Variants in ZBTB43 observed in about 807,000 individuals in gnomAD.
The protein encoded by ZBTB43 is zinc finger and BTB domain-containing protein 43.
Under a neutral mutation model 31.1 loss-of-function variants are expected in ZBTB43, and 6 were observed. The observed-to-expected ratio is 0.19, with a 90% CI of 0.11 to 0.38. ZBTB43 has a LOEUF of 0.38. Ranked by LOEUF, ZBTB43 falls within the 10% of genes least tolerant of loss-of-function variation. The pLI is 1.00. For missense variants in ZBTB43, 379 were observed against 602.1 expected, an observed-to-expected ratio of 0.63 and a Z score of 3.88; for synonymous variants, 212 against 221.7, an observed-to-expected ratio of 0.96 and a Z score of 0.39.
At chr9:126,805,566 T>C (rs1343957075) in intron 1 of ZBTB43, among the ~76,000 whole-genome samples, 1 of 152,216 alleles carries the variant, frequency 6.6e-6, no homozygotes, top group Admixed American at 6.5e-5. Context: ...TGATCTTCTG[T>C]TTAAGTAAAA....
Position 126,833,565 on chromosome 9 carries a change from A to G in ZBTB43, c.1056A>G (p.Glu352=), listed in dbSNP as rs1297686999. The change falls in exon 3 of 3, where the codon GAA becomes GAG. Residue 352 remains glutamate (E), a synonymous_variant. Coordinates refer to ENST00000373464, the MANE Select transcript of ZBTB43 (RefSeq NM_014007.4). This position sits in a 1 kb window ranked among gnomAD's most constrained non-coding sequence, Gnocchi z 7.9. ...CAGCAGGTTACAGTGAGAATATTGA[A>G]ATGGTAACAGGGATTAAAGAAGAAG... ...ALAAGYSENI[E]MVTGIKEEAS... is the part of the protein sequence containing the mutation. 1.2e-6 allele frequency: 2 copies of G among 1,613,912 alleles called. No individual in the cohort carries two copies. Among genetic ancestry groups the G allele is most frequent in the Non-Finnish European group, 1.7e-6 (2 of 1,179,972 alleles).
At position 126,833,930 on chromosome 9, in the gene ZBTB43, T is replaced by C; in HGVS notation, c.*17T>C. 1 of 1,552,108 alleles carries C rather than the reference T, an allele frequency of 6.4e-7. No individual in the cohort carries two copies. Among genetic ancestry groups the C allele is most frequent in the South Asian group, 1.2e-5 (1 of 82,988 alleles). On this transcript the variant is annotated 3_prime_UTR_variant, in exon 3 of 3. Coordinates refer to ENST00000373464, the MANE Select transcript of ZBTB43 (RefSeq NM_014007.4). This position sits in a 1 kb window ranked among gnomAD's most constrained non-coding sequence, Gnocchi z 7.9. ...GCTAACTAAAAATAGGATCTGGCCC[T>C]TGAGTGGCATGCACAAAAATAAACT...
chr9:126,814,398 A>T (rs992141724), intron 2 of ZBTB43, among the ~76,000 whole-genome samples: 1 of 108,628 alleles, frequency 9.2e-6, no homozygotes, highest in South Asian at 2.9e-4. Flanking sequence ...ATTTACTTTG[A>T]TATTAGTATT....
At position 126,816,114 on chromosome 9, in the gene ZBTB43, T is replaced by C. The variant is rs143353845; in HGVS notation, c.-24+7199T>C. ...TTCAGGGCAGTTTTCTTCAATTAAA[T>C]TTATTTTTTATTATTTCACGTTCTC... On this transcript the variant is annotated intron_variant, in intron 2 of 2. Transcript: ENST00000373464. Among the ~76,000 whole-genome samples the C allele has an allele frequency of 6.4e-3, 978 of 152,304 alleles. 8 individuals carry two copies. Among genetic ancestry groups the C allele is most frequent in the Non-Finnish European group, 9.8e-3 (669 of 68,022 alleles).
rs931977455 is a variant in ZBTB43, at chr9:126,835,400, A to G, written c.*1487A>G. On this transcript the variant is annotated 3_prime_UTR_variant, in exon 3 of 3. Coordinates refer to ENST00000373464, the MANE Select transcript of ZBTB43 (RefSeq NM_014007.4). ...CTACTACCATGTCATCTTTTCCACA[A>G]TCGTACTGGGTTATTTACTTCTAAA... is the stretch of plus-strand genomic sequence containing the variant. The G allele has an allele frequency of 5.4e-5, 9 of 167,108 alleles. No individual in the cohort carries two copies. In the South Asian group the frequency reaches 8.3e-4, roughly 15 times the overall value. The allele number at this position is 167,108 out of a possible 1,614,324, so 10.4% of individuals were successfully genotyped here. A position where few individuals can be genotyped will look rare whatever the true frequency, so the allele number is the denominator to read the frequency against.
intron 1 of ZBTB43, among the ~76,000 whole-genome samples, 181 bp from the exon 2 acceptor site, chr9:126,808,612 T>G (rs1214331980): frequency 1.3e-5 from 2 of 152,234 alleles, no homozygotes; most frequent in African/African-American, 2.4e-5. Flanking sequence ...AAAATAAGTT[T>G]GTTTTTTTAA....
At chr9:126,829,702 T>G (rs1197538126) in intron 2 of ZBTB43, among the ~76,000 whole-genome samples, 1 of 152,150 alleles carries the variant, frequency 6.6e-6, no homozygotes, top group Non-Finnish European at 1.5e-5. Flanking sequence ...GATTTTTTTT[T>G]TTTACACCTT....
In ZBTB43 at chr9:126,833,603, G is replaced by T. The variant is rs760920518; in HGVS notation, c.1094G>T (p.Gly365Val). The T allele has an allele frequency of 1.1e-5, 18 of 1,614,072 alleles. No homozygotes were observed. In the East Asian group the frequency reaches 1.3e-4, roughly 12 times the overall value. The stretch of plus-strand genomic sequence containing the variant: ...ATTAAAGAAGAAGCTTCCCACTTAG[G>T]ATTCTCAGCCACTGACAAGCTGTAT... The part of the protein sequence containing the change: ...TGIKEEASHL[G>V]FSATDKLYPC... Residue 365 changes from glycine to valine, a missense_variant, in exon 3 of 3, where the codon GGA (glycine) becomes GTA (valine). Gly to Val is a moderately radical substitution (Grantham distance 109). Coordinates refer to ENST00000373464, the MANE Select transcript of ZBTB43 (RefSeq NM_014007.4). The surrounding 1 kb of genome is among the most constrained non-coding windows in gnomAD (Gnocchi z 7.9).
At chr9:126,806,275 T>C (rs2032126476) in intron 1 of ZBTB43, among the ~76,000 whole-genome samples, 1 of 152,240 alleles carries the variant, frequency 6.6e-6, no homozygotes, top group African/African-American at 2.4e-5. Context: ...CTGGGATAAC[T>C]GCATGCTTAG....
intron 2 of ZBTB43, among the ~76,000 whole-genome samples, chr9:126,810,892 G>A (rs991233134): frequency 5.3e-5 from 8 of 151,848 alleles, no homozygotes; most frequent in Non-Finnish European, 7.4e-5. Flanking sequence ...TTGTGAAAAT[G>A]ATATTCACGT....
chr9:126,835,229 A>G lies in ZBTB43; in HGVS notation c.*1316A>G, dbSNP rs2032854570. 1 of 167,038 alleles carries G rather than the reference A, an allele frequency of 6.0e-6. No homozygotes were observed. Among genetic ancestry groups the G allele is most frequent in the African/African-American group, 2.4e-5 (1 of 41,440 alleles). The allele number at this position is 167,038 out of a possible 1,614,324, so 10.3% of individuals were successfully genotyped here. On this transcript the variant is annotated 3_prime_UTR_variant, in exon 3 of 3. Transcript: ENST00000373464. ...AAGCTACGCCGACCAGAAAAAAAAA[A>G]TTAAAAAAACAAACAAGAAAAGCAA...
chr9:126,826,544 A>G (rs1202557634), intron 2 of ZBTB43, among the ~76,000 whole-genome samples: 1 of 134,134 alleles, frequency 7.5e-6, no homozygotes, highest in Non-Finnish European at 1.5e-5. Flanking sequence ...GCTCACTGCA[A>G]GCTCCACCTC....
chr9:126,812,023 A>C (rs2032262039), intron 2 of ZBTB43, among the ~76,000 whole-genome samples: 1 of 151,978 alleles, frequency 6.6e-6, no homozygotes, highest in Admixed American at 6.6e-5. Context: ...CCATCACCAC[A>C]ATCTAATTTT....
chr9:126,814,544 A>C (rs891465840), intron 2 of ZBTB43, among the ~76,000 whole-genome samples: 3 of 152,000 alleles, frequency 2.0e-5, no homozygotes, highest in African/African-American at 4.8e-5. Flanking sequence ...CTGTAATCCC[A>C]ACACTTTGGG....
chr9:126,833,298 C>G lies in ZBTB43; in HGVS notation c.789C>G (p.Thr263=). Residue 263 remains threonine, a synonymous_variant, in exon 3 of 3, where the codon ACC becomes ACG. Coordinates refer to ENST00000373464, the MANE Select transcript of ZBTB43 (RefSeq NM_014007.4). This position sits in a 1 kb window ranked among gnomAD's most constrained non-coding sequence, Gnocchi z 7.9. ...QACEGMDVHA[T]YDEHQVTESI... The stretch of plus-strand genomic sequence containing the variant: ...GCGAGGGCATGGATGTGCACGCGAC[C>G]TACGACGAGCACCAGGTCACAGAGT... 1 of 1,613,200 alleles carries G rather than the reference C, an allele frequency of 6.2e-7. No individual in the cohort carries two copies. The highest frequency in any genetic ancestry group is 8.5e-7 in the Non-Finnish European group (1 of 1,179,620).
At position 126,824,200 on chromosome 9, in the gene ZBTB43, G is replaced by T. The variant is rs568009191; in HGVS notation, c.-23-8287G>T. Reference sequence around the variant, plus strand: ...CACCACCACGCCTGGCTAATTTTTGGTTTTTTGGTAGAAATGGGGTTTCAC... The same window carrying T: ...CACCACCACGCCTGGCTAATTTTTGTTTTTTTGGTAGAAATGGGGTTTCAC... On this transcript the variant is annotated intron_variant, in intron 2 of 2. Transcript: ENST00000373464. Among the ~76,000 whole-genome samples the T allele has an allele frequency of 1.4e-3, 207 of 152,126 alleles. 1 individual carries two copies. The highest frequency in any genetic ancestry group is 4.2e-3 in the African/African-American group (174 of 41,500).
chr9:126,823,349 C>T (rs147908312), intron 2 of ZBTB43, among the ~76,000 whole-genome samples: 1 of 152,258 alleles, frequency 6.6e-6, no homozygotes, highest in East Asian at 1.9e-4. Flanking sequence ...AACCTTTTTA[C>T]TCAACATATA....
Position 126,832,730 on chromosome 9 carries a change from A to C in ZBTB43, c.221A>C (p.Asp74Ala). The C allele has an allele frequency of 1.2e-6, 2 of 1,614,144 alleles. No individual in the cohort carries two copies. Among genetic ancestry groups the C allele is most frequent in the Non-Finnish European group, 1.7e-6 (2 of 1,180,028 alleles). ...AACAGCAGGAGAATTGTTTTGCCTG[A>C]TGTGATGAACCCAAGAGTGTTTGAG... ...LKNSRRIVLP[D>A]VMNPRVFENI... is the part of the protein sequence containing the mutation. The change falls in exon 3 of 3, where the codon GAT (aspartate) becomes GCT (alanine). Residue 74 changes from aspartate (D) to alanine (A), a missense_variant. Coordinates refer to ENST00000373464, the MANE Select transcript of ZBTB43 (RefSeq NM_014007.4).
chr9:126,834,226 C>A lies in ZBTB43; in HGVS notation c.*313C>A. The A allele has an allele frequency of 4.0e-6, 1 of 247,164 alleles. No homozygotes were observed. 15.3% of individuals were successfully genotyped at this position (247,164 alleles called of 1,614,324 possible). ...CACCTGCACTTGGAACTGGACTCCA[C>A]CCACCAGTTCCATTTTGGGTGGCAG... On this transcript the variant is annotated 3_prime_UTR_variant, in exon 3 of 3. Coordinates refer to ENST00000373464, the MANE Select transcript of ZBTB43 (RefSeq NM_014007.4).
Sources: allele counts gnomAD v4.1 joint callset (sites outside exome capture counted in the v4.1 genomes callset), GRCh38; gene constraint gnomAD v4.1.1; non-coding constraint Gnocchi (gnomAD v3.1); transcripts MANE v1.5; gene names NCBI Gene and HGNC (gene_info 2026-07-23, HGNC 2026-07-21).